PTPN14: variants seen among roughly 807,000 people sequenced by gnomAD.
PTPN14 encodes protein tyrosine phosphatase non-receptor type 14.
PTPN14 carries 53 observed loss-of-function variants against 126.8 expected under a neutral mutation model. That is an observed-to-expected ratio of 0.42 (90% CI 0.34 to 0.53). PTPN14 has a LOEUF of 0.53. PTPN14 is among the 20% of genes least tolerant of loss of function. The pLI is 0.08. For synonymous variants in PTPN14, 630 were observed against 599.3 expected, an observed-to-expected ratio of 1.05 and a Z score of -0.75; for missense variants, 1,257 against 1,552.9, an observed-to-expected ratio of 0.81 and a Z score of 3.20.
At chr1:214,475,212 T>A (rs574338918) in intron 1 of PTPN14, among the ~76,000 whole-genome samples, 11 of 152,246 alleles carry the variant, frequency 7.2e-5, no homozygotes, top group African/African-American at 2.4e-4. Context: ...GTAAAACAGA[T>A]AACAGTGCTC....
At chr1:214,526,324 C>A (rs1655396572) in intron 1 of PTPN14, among the ~76,000 whole-genome samples, 2 of 152,026 alleles carry the variant, frequency 1.3e-5, no homozygotes, top group African/African-American at 4.8e-5. Context: ...AAGTGACTAA[C>A]ATTAATTTGG....
At chr1:214,479,565 C>G (rs986056609) in intron 1 of PTPN14, among the ~76,000 whole-genome samples, 1 of 152,006 alleles carries the variant, frequency 6.6e-6, no homozygotes, top group African/African-American at 2.4e-5. Context: ...GTCTCAAACT[C>G]CTGACCTCAG....
At chr1:214,505,458 G>A (rs1654817367) in intron 1 of PTPN14, among the ~76,000 whole-genome samples, 1 of 152,212 alleles carries the variant, frequency 6.6e-6, no homozygotes, top group African/African-American at 2.4e-5. Flanking sequence ...CTTCGGGGGG[G>A]TGGGGTGGTC....
chr1:214,435,348 T>TTCAA (rs1413712700), intron 3 of PTPN14, among the ~76,000 whole-genome samples: 1 of 152,108 alleles, frequency 6.6e-6, no homozygotes, highest in Non-Finnish European at 1.5e-5. Context: ...TCTTTAGATG[T>TTCAA]TCAAAGCTTT....
At chr1:214,368,325 T>C (rs11587662) in intron 17 of PTPN14, among the ~76,000 whole-genome samples, 122,531 of 151,724 alleles carry the variant, frequency 0.81, 50,058 homozygotes, top group African/African-American at 0.93. Flanking sequence ...CCTCAGCCTC[T>C]CCAGTAGCTG....
At chr1:214,426,648 A>G (rs1485786350) in intron 3 of PTPN14, among the ~76,000 whole-genome samples, 1 of 152,210 alleles carries the variant, frequency 6.6e-6, no homozygotes, top group Non-Finnish European at 1.5e-5. Flanking sequence ...ATAATTCCCA[A>G]ATCAGAGAAA....
chr1:214,525,293 G>A (rs761006886), intron 1 of PTPN14, among the ~76,000 whole-genome samples: 1 of 152,072 alleles, frequency 6.6e-6, no homozygotes, highest in African/African-American at 2.4e-5. Flanking sequence ...AACCTCTGAC[G>A]GGACACTTTT....
intron 3 of PTPN14, among the ~76,000 whole-genome samples, chr1:214,437,931 T>C (rs1419308212): frequency 6.6e-6 from 1 of 152,234 alleles, no homozygotes; most frequent in Non-Finnish European, 1.5e-5. Flanking sequence ...AAAACAGATT[T>C]TGATTCAGGG....
In PTPN14 at chr1:214,351,115, A is replaced by AT. The variant is rs1207449310; in HGVS notation, c.*6806_*6807insA. On this transcript the variant is annotated 3_prime_UTR_variant, in exon 19 of 19. Coordinates refer to ENST00000366956, the MANE Select transcript of PTPN14 (RefSeq NM_005401.5). ...GTAATCCCAGCACTTTGGGAGGCCGAGGGGGGTCATCACGAGGTCAGAGGT... is the reference window on the plus strand; with the variant it reads ...GTAATCCCAGCACTTTGGGAGGCCGATGGGGGGTCATCACGAGGTCAGAGGT... The AT allele has an allele frequency of 6.6e-6, 1 of 151,584 alleles. No homozygotes were observed. The highest frequency in any genetic ancestry group is 1.5e-5 in the Non-Finnish European group (1 of 67,930). 9.4% of individuals were successfully genotyped at this position (151,584 alleles called of 1,614,324 possible). A position where few individuals can be genotyped will look rare whatever the true frequency, so the allele number is the denominator to read the frequency against.
At position 214,544,897 on chromosome 1, in the gene PTPN14, A is replaced by AGAAAG. The variant is rs552130981; in HGVS notation, c.-155+6281_-155+6285dup. 7.2e-5 allele frequency among the ~76,000 whole-genome samples: 11 copies of AGAAAG among 152,196 alleles called. No homozygotes were observed. The South Asian group carries it at 2.3e-3, about 32-fold the overall frequency. On this transcript the variant is annotated intron_variant, in intron 1 of 18. Transcript: ENST00000366956. ...GGGAAGGGGAGGTGAGAAAGAGAAA[A>AGAAAG]GAAAGGAAAGGAAAGGAAGGCTTCA...
chr1:214,455,543 C>G (rs1284305021), intron 2 of PTPN14, among the ~76,000 whole-genome samples: 1 of 152,154 alleles, frequency 6.6e-6, no homozygotes, highest in Non-Finnish European at 1.5e-5. Context: ...GAACACACAG[C>G]TCTGGTGCCA....
At chr1:214,473,529 C>T (rs937855144) in intron 1 of PTPN14, among the ~76,000 whole-genome samples, 1 of 152,194 alleles carries the variant, frequency 6.6e-6, no homozygotes, top group Admixed American at 6.5e-5. Context: ...TATTTACCAA[C>T]AGTCTTTGGA....
chr1:214,544,792 CAG>C (rs1558149555), intron 1 of PTPN14, among the ~76,000 whole-genome samples: 1 of 139,454 alleles, frequency 7.2e-6, no homozygotes, highest in African/African-American at 2.7e-5. Context: ...AAGAAAGAGA[CAG>C]AGAGAAAAAA....
chr1:214,409,692 A>G (rs942120741), intron 5 of PTPN14, among the ~76,000 whole-genome samples: 3 of 152,180 alleles, frequency 2.0e-5, no homozygotes, highest in African/African-American at 7.2e-5. Flanking sequence ...CCTCATGCTC[A>G]GTAACACTTG....
At chr1:214,438,698 G>A (rs1020558654) in intron 3 of PTPN14, among the ~76,000 whole-genome samples, 3 of 152,118 alleles carry the variant, frequency 2.0e-5, no homozygotes, top group Non-Finnish European at 4.4e-5. Context: ...ACCTGACTAG[G>A]CTGCACTCCA....
At chr1:214,382,863 C>G (rs1279113500) in intron 13 of PTPN14, among the ~76,000 whole-genome samples, 1 of 152,220 alleles carries the variant, frequency 6.6e-6, no homozygotes, top group African/African-American at 2.4e-5. Flanking sequence ...CAAAGCTAGA[C>G]ATATCACAGT....
intron 3 of PTPN14, among the ~76,000 whole-genome samples, chr1:214,420,888 A>C (rs1659528073): frequency 6.6e-6 from 1 of 152,272 alleles, no homozygotes; most frequent in African/African-American, 2.4e-5. Flanking sequence ...CAGAAGTAGA[A>C]ATAGTTAGCA....
chr1:214,419,269 T>C (rs1659491622), intron 3 of PTPN14, among the ~76,000 whole-genome samples: 1 of 152,164 alleles, frequency 6.6e-6, no homozygotes, highest in Non-Finnish European at 1.5e-5. Context: ...ACCTGCAGAA[T>C]CATTATCATC....
intron 3 of PTPN14, among the ~76,000 whole-genome samples, chr1:214,446,279 T>C (rs931748516): frequency 6.6e-6 from 1 of 152,214 alleles, no homozygotes; most frequent in African/African-American, 2.4e-5. Context: ...TTTTTTCCTT[T>C]TATTTGTAGC....
Sources: gnomAD v4.1 joint callset for allele counts (sites outside exome capture counted in the v4.1 genomes callset) on GRCh38, gnomAD v4.1.1 for gene constraint, MANE v1.5 for transcripts, NCBI Gene and HGNC (gene_info 2026-07-23, HGNC 2026-07-21) for gene names.